Variants in HINT3 observed in about 807,000 individuals in gnomAD.
The protein encoded by HINT3 is histidine triad nucleotide binding protein 3.
HINT3 carries 16 observed loss-of-function variants against 19.1 expected under a neutral mutation model. The observed-to-expected ratio is 0.84, with a 90% CI of 0.57 to 1.27. The LOEUF is 1.27. Ranked by LOEUF, HINT3 falls within the 50% of genes most tolerant of loss-of-function variation. The pLI is 0.00. For missense variants in HINT3, 197 were observed against 225.8 expected (o/e 0.87, Z 0.82); for synonymous variants, 75 against 84.8 (o/e 0.88, Z 0.63).
At chr6:125,964,273 C>T (rs1179433550) in intron 1 of HINT3, among the ~76,000 whole-genome samples, 4 of 151,764 alleles carry the variant, frequency 2.6e-5, no homozygotes, top group African/African-American at 9.7e-5. Context: ...TTAGGGATTG[C>T]TTTTTTTTCT....
At position 125,975,103 on chromosome 6, in the gene HINT3, G is replaced by A. The variant is rs530430801; in HGVS notation, c.516+130G>A. Reference sequence around the variant, plus strand: ...GATTACCTGTTTTAACATACTGCTTGCACATATCCAAAATAATATTTTTAA... The same window carrying A: ...GATTACCTGTTTTAACATACTGCTTACACATATCCAAAATAATATTTTTAA... On this transcript the variant is annotated intron_variant, in intron 4 of 4. Transcript: ENST00000229633. 5 of 707,392 alleles carry A rather than the reference G, an allele frequency of 7.1e-6. No homozygotes were observed. The African/African-American group carries it at 9.0e-5, about 13-fold the overall frequency. 43.8% of individuals were successfully genotyped at this position (707,392 alleles called of 1,614,324 possible).
At chr6:125,977,339 T>A (rs1789194050) in intron 4 of HINT3, among the ~76,000 whole-genome samples, 1 of 152,188 alleles carries the variant, frequency 6.6e-6, no homozygotes, top group Non-Finnish European at 1.5e-5. Context: ...ATTGGCTTCT[T>A]TCACTTAGTA....
At chr6:125,964,209 A>T (rs1788984538) in intron 1 of HINT3, among the ~76,000 whole-genome samples, 3 of 152,202 alleles carry the variant, frequency 2.0e-5, no homozygotes, top group Non-Finnish European at 4.4e-5. Context: ...TTTGAATGGA[A>T]TGATTATGCT....
intron 1 of HINT3, among the ~76,000 whole-genome samples, chr6:125,964,911 GAA>G (rs759817279): frequency 2.0e-4 from 30 of 152,236 alleles, no homozygotes; most frequent in Non-Finnish European, 3.5e-4. Context: ...CAATATTTCA[GAA>G]AGCTTCATGG....
intron 1 of HINT3, among the ~76,000 whole-genome samples, chr6:125,963,687 A>G (rs79442569): frequency 0.022 from 3,298 of 152,302 alleles, 120 homozygotes; most frequent in African/African-American, 0.076. Flanking sequence ...TATGTAAAGC[A>G]TAGGTATACC....
rs1788937129 is a variant in HINT3 at position 125,962,180 on chromosome 6, A to G, written c.202-4707A>G. On this transcript the variant is annotated intron_variant, in intron 1 of 4. Transcript: ENST00000229633. ...TATATACACATATATATATATATAT[A>G]TATATACACATATATATATATATAT... is the stretch of plus-strand genomic sequence containing the variant. Among the ~76,000 whole-genome samples the G allele has an allele frequency of 7.4e-5, 7 of 94,994 alleles. 1 individual carries two copies. The South Asian group carries it at 2.2e-3, about 30-fold the overall frequency. 62.3% of individuals were successfully genotyped at this position (94,994 alleles called of 152,430 possible).
At chr6:125,964,540 T>TA (rs954955946) in intron 1 of HINT3, among the ~76,000 whole-genome samples, 1 of 152,152 alleles carries the variant, frequency 6.6e-6, no homozygotes, top group Non-Finnish European at 1.5e-5. Flanking sequence ...TGCTGTTTTT[T>TA]AAAAAAACTT....
intron 1 of HINT3, among the ~76,000 whole-genome samples, chr6:125,964,110 T>G (rs183819786): frequency 2.0e-5 from 3 of 152,332 alleles, no homozygotes; most frequent in Admixed American, 1.3e-4. Context: ...CCAAATTCAG[T>G]GCAGGAATGA....
intron 4 of HINT3, among the ~76,000 whole-genome samples, chr6:125,975,430 G>T (rs1290882880): frequency 6.6e-6 from 1 of 152,156 alleles, no homozygotes; most frequent in African/African-American, 2.4e-5. Flanking sequence ...ACAGTACCTT[G>T]CAAATAGTAA....
chr6:125,959,899 A>G (rs891290924), intron 1 of HINT3, among the ~76,000 whole-genome samples: 2 of 151,944 alleles, frequency 1.3e-5, no homozygotes, highest in Non-Finnish European at 2.9e-5. Flanking sequence ...AACATGCAAA[A>G]CTCCTTGCCC....
intron 1 of HINT3, among the ~76,000 whole-genome samples, chr6:125,961,243 T>C (rs571317975): frequency 6.6e-6 from 1 of 152,326 alleles, no homozygotes; most frequent in African/African-American, 2.4e-5. Flanking sequence ...CAAACTGTGC[T>C]TTTTTTGTTT....
chr6:125,962,163 C>CATATAT (rs1164333774), intron 1 of HINT3, among the ~76,000 whole-genome samples: 4 of 11,266 alleles, frequency 3.6e-4, no homozygotes, highest in African/African-American at 1.0e-3. Context: ...TATATATACA[C>CATATAT]ATATATATAT....
intron 1 of HINT3, among the ~76,000 whole-genome samples, chr6:125,957,880 C>T (rs2128710162): frequency 6.6e-6 from 1 of 152,250 alleles, no homozygotes; most frequent in South Asian, 2.1e-4. Context: ...AAGATTGTGT[C>T]TTTTGTAGTA....
intron 1 of HINT3, among the ~76,000 whole-genome samples, chr6:125,963,038 A>G (rs1030718120): frequency 9.8e-5 from 15 of 152,296 alleles, no homozygotes; most frequent in African/African-American, 3.6e-4. Context: ...CTCAGTGCCA[A>G]TTTAACTTGA....
intron 4 of HINT3, 60 bp downstream of exon 4, chr6:125,975,033 A>G: frequency 1.3e-6 from 2 of 1,560,778 alleles, no homozygotes; most frequent in Non-Finnish European, 1.8e-6. Context: ...TTTTCATTGT[A>G]GTTTTTTCTT....
intron 1 of HINT3, among the ~76,000 whole-genome samples, chr6:125,962,307 T>TATA (rs1176011475): frequency 3.8e-5 from 1 of 25,986 alleles, no homozygotes; most frequent in African/African-American, 2.3e-4. Context: ...TATATATATA[T>TATA]CACACATATA....
intron 1 of HINT3, among the ~76,000 whole-genome samples, chr6:125,965,484 A>G (rs1789004485): frequency 1.3e-5 from 2 of 152,146 alleles, no homozygotes; most frequent in African/African-American, 4.8e-5. Context: ...TCTGAGCTGG[A>G]AGTATTAAAG....
At chr6:125,964,568 A>C (rs1291371087) in intron 1 of HINT3, among the ~76,000 whole-genome samples, 1 of 152,066 alleles carries the variant, frequency 6.6e-6, no homozygotes. Context: ...TCTTAGAAAT[A>C]ATTTCGTATG....
intron 1 of HINT3, among the ~76,000 whole-genome samples, chr6:125,959,933 C>T (rs567320707): frequency 7.9e-5 from 12 of 152,120 alleles, no homozygotes; most frequent in Non-Finnish European, 1.5e-4. Flanking sequence ...ATTGTCGTTG[C>T]AGAAAAGGAT....
Sources: allele counts gnomAD v4.1 joint callset (sites outside exome capture counted in the v4.1 genomes callset), GRCh38; gene constraint gnomAD v4.1.1; transcripts MANE v1.5; gene names NCBI Gene and HGNC (gene_info 2026-07-23, HGNC 2026-07-21).